ARHGAP29: variants seen among roughly 807,000 people sequenced by gnomAD.
ARHGAP29 encodes Rho GTPase activating protein 29, also known as rho GTPase-activating protein 29.
ARHGAP29 carries 43 observed loss-of-function variants against 122.6 expected under a neutral mutation model. That is an observed-to-expected ratio of 0.35 (90% CI 0.27 to 0.45). The LOEUF is 0.45. ARHGAP29 is among the 20% of genes least tolerant of loss of function. The pLI, the probability that ARHGAP29 is intolerant of heterozygous loss-of-function variation, is 1.00. For missense variants in ARHGAP29, 1,303 were observed against 1,477.2 expected, an observed-to-expected ratio of 0.88 and a Z score of 1.93; for synonymous variants, 506 against 497.1, an observed-to-expected ratio of 1.02 and a Z score of -0.24.
chr1:94,191,223 A>G (rs1307718692), intron 12 of ARHGAP29: 2 of 152,138 alleles, frequency 1.3e-5, no homozygotes, highest in East Asian at 3.9e-4. Flanking sequence ...TTTTACACAA[A>G]GCTGTAACAT....
At chr1:94,241,676 A>C (rs1214816551), upstream of ARHGAP29, among the ~76,000 whole-genome samples, 1 of 143,078 alleles carries the variant, frequency 7.0e-6, no homozygotes, top group Non-Finnish European at 1.5e-5. Flanking sequence ...ATTATATATG[A>C]TATATATAAT....
the ARHGAP29 span, among the ~76,000 whole-genome samples, chr1:94,294,446 C>T: frequency 1.3e-5 from 2 of 152,108 alleles, no homozygotes; most frequent in Non-Finnish European, 2.9e-5. Context: ...TAGCACCTGG[C>T]TAACTTTTTA....
intron 1 of ARHGAP29, among the ~76,000 whole-genome samples, chr1:94,248,692 TTTTTG>T (rs200580066): frequency 6.6e-6 from 1 of 152,162 alleles, no homozygotes; most frequent in African/African-American, 2.4e-5. Context: ...AAGGAAGATG[TTTTTG>T]TTTTGTTTTG....
chr1:94,278,110 G>T (rs1015933406), upstream of ARHGAP29, among the ~76,000 whole-genome samples: 1 of 152,144 alleles, frequency 6.6e-6, no homozygotes, highest in Non-Finnish European at 1.5e-5. Context: ...GAGGCCAGGA[G>T]TTTGAGACCA....
At chr1:94,292,961 G>A in the ARHGAP29 span, among the ~76,000 whole-genome samples, 90 of 152,180 alleles carry the variant, frequency 5.9e-4, 2 homozygotes, top group Non-Finnish European at 3.4e-4. Flanking sequence ...GACCTTGAAC[G>A]CCATGCTGGG....
chr1:94,242,296 A>T (rs779034159), upstream of ARHGAP29, among the ~76,000 whole-genome samples: 1 of 152,146 alleles, frequency 6.6e-6, no homozygotes, highest in Non-Finnish European at 1.5e-5. Context: ...AGTACATCTA[A>T]CCTAGCTTTA....
At chr1:94,302,926 C>A in the ARHGAP29 span, 1 of 186,002 alleles carries the variant, frequency 5.4e-6, no homozygotes, top group South Asian at 9.2e-5. Context: ...GCATTGCCCT[C>A]AACGGCCTCT....
rs745605372 is a variant in ARHGAP29 at position 94,173,624 on chromosome 1, T to C, written c.*245A>G. 4.1e-5 allele frequency: 17 copies of C among 414,048 alleles called. No individual in the cohort carries two copies. Among genetic ancestry groups the C allele is most frequent in the Non-Finnish European group, 6.8e-5 (16 of 235,480 alleles). 25.6% of individuals were successfully genotyped at this position (414,048 alleles called of 1,614,324 possible). A position where few individuals can be genotyped will look rare whatever the true frequency, so the allele number is the denominator to read the frequency against. On this transcript the variant is annotated 3_prime_UTR_variant, in exon 23 of 23. Transcript: ENST00000260526. ...GAACTTTAAAAAATACGAATCCACC[T>C]ATCTTATTCACAACTTTAAAAATAC...
the ARHGAP29 span, among the ~76,000 whole-genome samples, chr1:94,290,207 T>C: frequency 3.9e-5 from 6 of 151,950 alleles, no homozygotes; most frequent in Non-Finnish European, 7.4e-5. Context: ...TTCAGGTCTA[T>C]TCGGGTCTAT....
At chr1:94,312,458 G>A in the ARHGAP29 span, among the ~76,000 whole-genome samples, 1 of 138,876 alleles carries the variant, frequency 7.2e-6, no homozygotes, top group Non-Finnish European at 1.5e-5. Flanking sequence ...TGAAGACAGA[G>A]TCTCACTCTG....
At chr1:94,190,132 C>A in intron 12 of ARHGAP29, 49 bp from the exon 13 acceptor site, 1 of 1,573,964 alleles carries the variant, frequency 6.4e-7, no homozygotes, top group Non-Finnish European at 8.7e-7. Flanking sequence ...ATACAGAATG[C>A]TATATAAACA....
intron 17 of ARHGAP29, 34 bp downstream of exon 17, chr1:94,185,308 T>G (rs1185393719): frequency 3.3e-6 from 5 of 1,534,356 alleles, no homozygotes; most frequent in African/African-American, 1.4e-5. Context: ...ACAAAAAGCA[T>G]AAAAGGGTCA....
intron 3 of ARHGAP29, among the ~76,000 whole-genome samples, chr1:94,216,891 T>G (rs1651982139): frequency 6.6e-6 from 1 of 152,210 alleles, no homozygotes; most frequent in African/African-American, 2.4e-5. Context: ...CTGAATTTCC[T>G]GCTTGGAAAC....
In ARHGAP29 at chr1:94,237,503, C is replaced by A. The variant is rs1653360102; in HGVS notation, c.-121G>T. ...GCCGAGGGCTGGAGCTCGCTGCCCC[C>A]ATCCCCCACGGCCTGCGGACGCCCG... is the stretch of plus-strand genomic sequence containing the variant. On this transcript the variant is annotated 5_prime_UTR_variant, in exon 1 of 23. The change abolishes an upstream ATG in the 5' untranslated region. Coordinates refer to ENST00000260526, the MANE Select transcript of ARHGAP29 (RefSeq NM_004815.4). 1 of 989,490 alleles carries A rather than the reference C, an allele frequency of 1.0e-6. No homozygotes were observed. The highest frequency in any genetic ancestry group is 1.1e-4 in the East Asian group (1 of 8,940). The allele number at this position is 989,490 out of a possible 1,614,324, so 61.3% of individuals were successfully genotyped here.
chr1:94,212,044 C>T (rs748491341), intron 3 of ARHGAP29, among the ~76,000 whole-genome samples: 47 of 152,184 alleles, frequency 3.1e-4, no homozygotes, highest in South Asian at 1.4e-3. Flanking sequence ...TTTGGGAGAC[C>T]GAGGCGGGAG....
intron 1 of ARHGAP29, among the ~76,000 whole-genome samples, chr1:94,249,073 T>C (rs984531896): frequency 4.6e-5 from 7 of 152,366 alleles, no homozygotes; most frequent in Non-Finnish European, 8.8e-5. Context: ...ACATCTGCTA[T>C]GTGGGATAAA....
intron 12 of ARHGAP29, chr1:94,192,485 T>C (rs1650183573): frequency 1.3e-5 from 2 of 152,168 alleles, no homozygotes; most frequent in South Asian, 4.2e-4. Context: ...GAAAACTCCC[T>C]GGTTTCTTTT....
At chr1:94,196,556 C>T (rs566447366) in intron 12 of ARHGAP29, among the ~76,000 whole-genome samples, 20 of 152,154 alleles carry the variant, frequency 1.3e-4, no homozygotes, top group Admixed American at 5.2e-4. Flanking sequence ...CCACCGCGCC[C>T]GGCCCCTGTT....
At chr1:94,216,038 G>C (rs1353933480) in intron 3 of ARHGAP29, among the ~76,000 whole-genome samples, 2 of 152,166 alleles carry the variant, frequency 1.3e-5, no homozygotes, top group African/African-American at 4.8e-5. Flanking sequence ...TTTGTAACCA[G>C]TTCTGTTGGC....
Sources: allele counts gnomAD v4.1 joint callset (sites outside exome capture counted in the v4.1 genomes callset), GRCh38; gene constraint gnomAD v4.1.1; transcripts MANE v1.5; gene names NCBI Gene and HGNC (gene_info 2026-07-23, HGNC 2026-07-21).